Variants in ITPR1 observed in about 807,000 individuals in gnomAD.
ITPR1 encodes the protein inositol 1,4,5-trisphosphate receptor type 1, also known as inositol 1,4,5-trisphosphate-gated calcium channel ITPR1.
A neutral mutation model predicts 318.4 loss-of-function variants in ITPR1; 96 were observed. That is an observed-to-expected ratio of 0.30 (90% CI 0.26 to 0.36). The LOEUF (loss-of-function observed/expected upper bound fraction) is 0.36. ITPR1 is among the 10% of genes least tolerant of loss of function. The pLI is 1.00. For synonymous variants in ITPR1, 1,312 were observed against 1,289.9 expected (o/e 1.02, Z -0.37); for missense variants, 2,440 against 3,460.2 (o/e 0.71, Z 7.40).
intron 61 of ITPR1, among the ~76,000 whole-genome samples, chr3:4,837,952 T>C (rs1232052489): frequency 6.6e-6 from 1 of 152,218 alleles, no homozygotes; most frequent in South Asian, 2.1e-4. Flanking sequence ...GCATGGGCCA[T>C]GTCTGCACTG....
rs183047496 is a variant in ITPR1 at position 4,824,930 on chromosome 3, A to G, written c.8028+6688A>G. On this transcript the variant is annotated intron_variant, in intron 60 of 61. Coordinates refer to ENST00000649015, the MANE Select transcript of ITPR1 (RefSeq NM_001378452.1). ...CTGCTGAAATATGAGAAACTTCACT[A>G]CCCTCACCTTAGCTTGAAACAGGGA... Among the ~76,000 whole-genome samples the G allele has an allele frequency of 1.8e-3, 275 of 152,260 alleles. 5 individuals are homozygous for G. The highest frequency in any genetic ancestry group is 2.5e-4 in the Non-Finnish European group (17 of 68,024).
At chr3:4,785,130 A>C (rs1426147086) in intron 51 of ITPR1, among the ~76,000 whole-genome samples, 1 of 152,240 alleles carries the variant, frequency 6.6e-6, no homozygotes, top group Non-Finnish European at 1.5e-5. Context: ...CAAACAAAAA[A>C]ACAAAGCCTC....
intron 4 of ITPR1, among the ~76,000 whole-genome samples, chr3:4,562,457 GAT>G (rs1469367678): frequency 6.6e-6 from 1 of 152,148 alleles, no homozygotes; most frequent in Non-Finnish European, 1.5e-5. Context: ...TGTGCAAAAA[GAT>G]AGTGAGTGAA....
At chr3:4,559,310 T>C (rs1185746062) in intron 4 of ITPR1, among the ~76,000 whole-genome samples, 1 of 152,216 alleles carries the variant, frequency 6.6e-6, no homozygotes, top group African/African-American at 2.4e-5. Context: ...ATTGACTTAC[T>C]GAATAATATT....
chr3:4,593,234 C>T (rs1224168013), intron 4 of ITPR1, among the ~76,000 whole-genome samples: 1 of 152,072 alleles, frequency 6.6e-6, no homozygotes, highest in Non-Finnish European at 1.5e-5. Context: ...GGTACTTTAC[C>T]TGTTGGTTTC....
chr3:4,510,136 C>T (rs1364813003), intron 2 of ITPR1, among the ~76,000 whole-genome samples: 1 of 152,012 alleles, frequency 6.6e-6, no homozygotes, highest in Non-Finnish European at 1.5e-5. Context: ...GGGAGTTAGC[C>T]ACAAGTGGTG....
chr3:4,619,419 T>C (rs1303869743), intron 4 of ITPR1, among the ~76,000 whole-genome samples: 1 of 152,084 alleles, frequency 6.6e-6, no homozygotes, highest in Non-Finnish European at 1.5e-5. Flanking sequence ...TTTCTTATTC[T>C]TTCTTTTGCC....
intron 8 of ITPR1, among the ~76,000 whole-genome samples, chr3:4,645,136 G>T (rs1408560006): frequency 6.6e-6 from 1 of 152,152 alleles, no homozygotes; most frequent in East Asian, 1.9e-4. Context: ...ATTCCAGAAA[G>T]GCAGGAGGCT....
intron 44 of ITPR1, among the ~76,000 whole-genome samples, chr3:4,748,222 A>G (rs1189877303): frequency 6.6e-6 from 1 of 152,208 alleles, no homozygotes; most frequent in Non-Finnish European, 1.5e-5. Context: ...GCTTTCTCCC[A>G]TGCTAGCCAG....
At chr3:4,645,127 T>C (rs367987396) in intron 8 of ITPR1, among the ~76,000 whole-genome samples, 96 of 152,304 alleles carry the variant, frequency 6.3e-4, no homozygotes, top group African/African-American at 2.2e-3. Flanking sequence ...GAAAATATCA[T>C]TCCAGAAAGG....
chr3:4,711,210 CAAAAAAAAAA>C (rs1169754547), intron 38 of ITPR1, among the ~76,000 whole-genome samples: 5 of 57,912 alleles, frequency 8.6e-5, no homozygotes, highest in Admixed American at 2.2e-4. Flanking sequence ...GACCTTGTCT[CAAAAAAAAAA>C]AAAAAAAAAA....
At chr3:4,838,297 G>A (rs1038153414) in intron 61 of ITPR1, among the ~76,000 whole-genome samples, 1 of 152,098 alleles carries the variant, frequency 6.6e-6, no homozygotes, top group Non-Finnish European at 1.5e-5. Context: ...TAAAACTAAT[G>A]AAGATCTAAC....
At chr3:4,694,852 G>T (rs1412363649) in intron 33 of ITPR1, among the ~76,000 whole-genome samples, 2 of 152,178 alleles carry the variant, frequency 1.3e-5, no homozygotes, top group South Asian at 2.1e-4. Flanking sequence ...GGTAAACCAT[G>T]AAAAGTCTTA....
chr3:4,540,517 G>A (rs1377782016), intron 4 of ITPR1, among the ~76,000 whole-genome samples: 1 of 151,926 alleles, frequency 6.6e-6, no homozygotes, highest in Admixed American at 6.6e-5. Flanking sequence ...TAATTTGTGG[G>A]GTTTTTTAAA....
rs547792342 is a variant in ITPR1 at position 4,635,592 on chromosome 3, G to T, written c.280-3792G>T. Among the ~76,000 whole-genome samples, 9 of 151,996 alleles carry T rather than the reference G, an allele frequency of 5.9e-5. No individual in the cohort carries two copies. In the South Asian group the frequency reaches 1.5e-3, roughly 25 times the overall value. On this transcript the variant is annotated intron_variant, in intron 5 of 61. Coordinates refer to ENST00000649015, the MANE Select transcript of ITPR1 (RefSeq NM_001378452.1). ...GATCTCCTGACCTTGTGATCTGCCCGCCTCGGCCTCCCAAAGTGCTGGGAT... is the reference window on the plus strand; with the variant it reads ...GATCTCCTGACCTTGTGATCTGCCCTCCTCGGCCTCCCAAAGTGCTGGGAT...
At chr3:4,553,363 T>C (rs372979377) in intron 4 of ITPR1, among the ~76,000 whole-genome samples, 6 of 152,300 alleles carry the variant, frequency 3.9e-5, no homozygotes, top group Middle Eastern at 3.4e-3. Context: ...GAGGCTTAAG[T>C]GGTTTATTGG....
chr3:4,839,737 A>G (rs536970587), intron 61 of ITPR1, among the ~76,000 whole-genome samples: 9 of 152,316 alleles, frequency 5.9e-5, no homozygotes, highest in African/African-American at 2.2e-4. Flanking sequence ...CAAAATATGT[A>G]AAATTTGATT....
At chr3:4,510,823 T>C (rs2081759096) in intron 2 of ITPR1, among the ~76,000 whole-genome samples, 1 of 152,066 alleles carries the variant, frequency 6.6e-6, no homozygotes, top group Non-Finnish European at 1.5e-5. Flanking sequence ...GTGGAAATGG[T>C]AGTTGAATTC....
At chr3:4,768,854 G>A in intron 46 of ITPR1, 90 bp downstream of exon 46, 1 of 1,270,400 alleles carries the variant, frequency 7.9e-7, no homozygotes, top group South Asian at 1.5e-5. Flanking sequence ...TCTCACTTGG[G>A]CCAGATTGCT....
Sources: allele counts gnomAD v4.1 joint callset (sites outside exome capture counted in the v4.1 genomes callset), GRCh38; gene constraint gnomAD v4.1.1; transcripts MANE v1.5; gene names NCBI Gene and HGNC (gene_info 2026-07-23, HGNC 2026-07-21).